NFIC: variants seen among roughly 807,000 people sequenced by gnomAD.
NFIC encodes the protein nuclear factor I C.
A neutral mutation model predicts 54.4 loss-of-function variants in NFIC; 12 were observed. The ratio of observed to expected loss-of-function variants is 0.22; its 90% CI spans 0.14 to 0.36. The LOEUF is 0.36. NFIC is among the 10% of genes least tolerant of loss of function. The pLI is 1.00. For synonymous variants in NFIC, 322 were observed against 319.2 expected, an observed-to-expected ratio of 1.01 and a Z score of -0.09; for missense variants, 575 against 718.2, an observed-to-expected ratio of 0.80 and a Z score of 2.28.
intron 2 of NFIC, among the ~76,000 whole-genome samples, chr19:3,384,453 A>G (rs1568410807): frequency 6.6e-6 from 1 of 151,322 alleles, no homozygotes; most frequent in East Asian, 1.9e-4. Context: ...CAGTGACGCA[A>G]TCTCGGCTCA....
At chr19:3,420,815 C>T (rs1028048251) in intron 2 of NFIC, among the ~76,000 whole-genome samples, 4 of 151,890 alleles carry the variant, frequency 2.6e-5, no homozygotes, top group East Asian at 1.9e-4. Context: ...ATCCGCCTCC[C>T]GAGTTCAAGA....
intron 5 of NFIC, 87 bp from the exon 6 acceptor site, chr19:3,434,995 TA>T: frequency 6.9e-7 from 1 of 1,450,964 alleles, no homozygotes; most frequent in Admixed American, 2.3e-5. Context: ...CCCGCTCACT[TA>T]AGGACCGGAA....
In NFIC at chr19:3,453,850, G is replaced by A; in HGVS notation, c.1357G>A (p.Ala453Thr). The A allele has an allele frequency of 6.4e-7, 1 of 1,571,774 alleles. No individual in the cohort carries two copies. Among genetic ancestry groups the A allele is most frequent in the East Asian group, 2.4e-5 (1 of 41,676 alleles). ...TCCGCCCCCGGGGCTGCCACGGCTGGCGCTCCCCCCTGCCACCAAACCCGC... is the reference window on the plus strand; with the variant it reads ...TCCGCCCCCGGGGCTGCCACGGCTGACGCTCCCCCCTGCCACCAAACCCGC... Reference protein sequence around the residue: ...APPPPGLPRLALPPATKPATT... With the variant: ...APPPPGLPRLTLPPATKPATT... The change falls in exon 9 of 11, where the codon GCG becomes ACG. Residue 453 changes from alanine to threonine, a missense_variant. Transcript: ENST00000443272. The surrounding 1 kb of genome is among the most constrained non-coding windows in gnomAD (Gnocchi z 6.7).
intron 1 of NFIC, among the ~76,000 whole-genome samples, chr19:3,373,638 A>T (rs939948809): frequency 8.2e-4 from 86 of 105,510 alleles, no homozygotes; most frequent in African/African-American, 3.0e-3. Context: ...AAGCTAAAAA[A>T]CACCCCCCAC....
At chr19:3,373,680 A>G (rs1460344584) in intron 1 of NFIC, among the ~76,000 whole-genome samples, 1 of 133,212 alleles carries the variant, frequency 7.5e-6, no homozygotes, top group Non-Finnish European at 1.5e-5. Context: ...CAAACTCTTA[A>G]ATTTCTTCAG....
At chr19:3,366,542 G>GC (rs2080887052), upstream of NFIC, 2 of 571,844 alleles carry the variant, frequency 3.5e-6, no homozygotes, top group Non-Finnish European at 5.4e-6. Context: ...GGCGGGGGGG[G>GC]GGGTTGGGGG....
rs961001926 is a variant in NFIC, at chr19:3,466,664, T to C, written c.*3895T>C. The C allele has an allele frequency of 2.0e-5, 3 of 151,952 alleles. No individual in the cohort carries two copies. The highest frequency in any genetic ancestry group is 4.8e-5 in the African/African-American group (2 of 41,374). 9.4% of individuals were successfully genotyped at this position (151,952 alleles called of 1,614,324 possible). A position where few individuals can be genotyped will look rare whatever the true frequency, so the allele number is the denominator to read the frequency against. ...TCATGTAGCTGATTTCTAGCTTTTT[T>C]TTTTTTTCTGCCCCACTCCTGAGCA... On this transcript the variant is annotated 3_prime_UTR_variant, in exon 11 of 11. Coordinates refer to ENST00000443272, the MANE Select transcript of NFIC (RefSeq NM_001245002.2). The surrounding 1 kb of genome is among the most constrained non-coding windows in gnomAD (Gnocchi z 4.8).
intron 1 of NFIC, among the ~76,000 whole-genome samples, chr19:3,371,876 T>C (rs1156938960): frequency 7.3e-6 from 1 of 137,228 alleles, no homozygotes; most frequent in Non-Finnish European, 1.6e-5. Flanking sequence ...CTTTTTTCTT[T>C]CTCTCTCCTT....
upstream of NFIC, among the ~76,000 whole-genome samples, chr19:3,364,958 C>T (rs2080862487): frequency 6.6e-6 from 1 of 152,210 alleles, no homozygotes; most frequent in Non-Finnish European, 1.5e-5. Flanking sequence ...CTCCCCACAG[C>T]TGCACAGTGG....
rs2082486826 is a variant in NFIC at position 3,452,709 on chromosome 19, A to C, written c.1269+43A>C. On this transcript the variant is annotated intron_variant, in intron 8 of 10. Transcript: ENST00000443272. The surrounding 1 kb of genome is among the most constrained non-coding windows in gnomAD (Gnocchi z 5.3). ...CATTCGGGCCTCTCCTGGCGGCTCCAGGTGACCTCCCGGGGGCCACGTGCT... is the reference window on the plus strand; with the variant it reads ...CATTCGGGCCTCTCCTGGCGGCTCCCGGTGACCTCCCGGGGGCCACGTGCT... The C allele has an allele frequency of 1.3e-6, 2 of 1,545,806 alleles. No individual in the cohort carries two copies. Among genetic ancestry groups the C allele is most frequent in the Non-Finnish European group, 1.7e-6 (2 of 1,150,158 alleles).
chr19:3,423,023 TC>T (rs59620272), intron 2 of NFIC, among the ~76,000 whole-genome samples: 137,997 of 151,784 alleles, frequency 0.91, 62,809 homozygotes, highest in East Asian at 0.93. Context: ...ATGGTGAAAC[TC>T]CCGTCTCTAC....
chr19:3,417,566 G>T (rs1409756953), intron 2 of NFIC, among the ~76,000 whole-genome samples: 1 of 151,812 alleles, frequency 6.6e-6, no homozygotes, highest in East Asian at 1.9e-4. Flanking sequence ...CCATTTTAAG[G>T]CTGGGTGTGT....
At chr19:3,417,075 T>C (rs12979966) in intron 2 of NFIC, among the ~76,000 whole-genome samples, 109,717 of 149,884 alleles carry the variant, frequency 0.73, 41,384 homozygotes, top group East Asian at 0.93. Flanking sequence ...TTAGTAGAGA[T>C]GGGGTTTCAC....
At chr19:3,367,024 G>C (rs1348638005) in intron 1 of NFIC, among the ~76,000 whole-genome samples, 2 of 151,436 alleles carry the variant, frequency 1.3e-5, no homozygotes, top group African/African-American at 2.4e-5. Flanking sequence ...CGGGGTGGGG[G>C]CTGGCCCCCC....
chr19:3,392,870 G>A (rs1342232829), intron 2 of NFIC, among the ~76,000 whole-genome samples: 1 of 152,248 alleles, frequency 6.6e-6, no homozygotes, highest in East Asian at 1.9e-4. Context: ...GGCCCGGAGA[G>A]GGGCGAGGCA....
At chr19:3,417,660 C>CT (rs567737758) in intron 2 of NFIC, among the ~76,000 whole-genome samples, 241 of 139,054 alleles carry the variant, frequency 1.7e-3, no homozygotes, top group Non-Finnish European at 3.1e-3. Context: ...GAGTCTCGCT[C>CT]TGTCGCCCAG....
intron 2 of NFIC, among the ~76,000 whole-genome samples, chr19:3,421,572 C>T (rs1036784453): frequency 4.6e-5 from 7 of 152,344 alleles, no homozygotes; most frequent in African/African-American, 1.7e-4. Context: ...GGGCTTCTCT[C>T]GTCTGCTCCT....
intron 2 of NFIC, among the ~76,000 whole-genome samples, chr19:3,397,526 T>C (rs1183972060): frequency 6.6e-6 from 1 of 152,176 alleles, no homozygotes; most frequent in African/African-American, 2.4e-5. Context: ...CGGGTGTCTC[T>C]GTGACTCTGT....
chr19:3,449,205 G>C, intron 7 of NFIC, 66 bp downstream of exon 7: 7 of 1,557,216 alleles, frequency 4.5e-6, no homozygotes, highest in Non-Finnish European at 6.1e-6. Context: ...TCACAGCCGG[G>C]GAAGTCCCAC....
Sources: gnomAD v4.1 joint callset for allele counts (sites outside exome capture counted in the v4.1 genomes callset) on GRCh38, gnomAD v4.1.1 for gene constraint, Gnocchi (gnomAD v3.1) non-coding constraint, MANE v1.5 for transcripts, NCBI Gene and HGNC (gene_info 2026-07-23, HGNC 2026-07-21) for gene names.